Variants in LIMS1 observed in about 807,000 individuals in gnomAD.
LIMS1 encodes the protein LIM zinc finger domain containing 1.
A neutral mutation model predicts 44.1 loss-of-function variants in LIMS1; 18 were observed. That is an observed-to-expected ratio of 0.41 (90% CI 0.28 to 0.61). LIMS1 has a LOEUF of 0.61. Among genes scored for constraint, LIMS1 ranks in the 20% least tolerant of loss-of-function variants. LIMS1 has a pLI of 0.32. For synonymous variants in LIMS1, 93 were observed against 149.1 expected, an observed-to-expected ratio of 0.62 and a Z score of 2.74; for missense variants, 201 against 422.0, an observed-to-expected ratio of 0.48 and a Z score of 4.59.
intron 1 of LIMS1, among the ~76,000 whole-genome samples, chr2:108,598,604 G>A (rs1403374553): frequency 3.9e-5 from 6 of 152,210 alleles, no homozygotes; most frequent in African/African-American, 9.7e-5. Flanking sequence ...TTGGGAGAAC[G>A]GACGGAGTGT....
intron 1 of LIMS1, among the ~76,000 whole-genome samples, chr2:108,643,588 G>T (rs1169523636): frequency 2.0e-5 from 3 of 150,094 alleles, no homozygotes; most frequent in Non-Finnish European, 4.4e-5. Flanking sequence ...GAGCTAGCCA[G>T]TTTTTTTTTT....
chr2:108,649,998 A>G (rs1476480199), intron 1 of LIMS1, among the ~76,000 whole-genome samples: 1 of 152,220 alleles, frequency 6.6e-6, no homozygotes, highest in Non-Finnish European at 1.5e-5. Context: ...AGTAAAAAAA[A>G]GAAAAACGCC....
chr2:108,628,765 T>A (rs1688728845), intron 1 of LIMS1, among the ~76,000 whole-genome samples: 1 of 152,208 alleles, frequency 6.6e-6, no homozygotes, highest in Non-Finnish European at 1.5e-5. Context: ...GCACCCAGCC[T>A]CAGTGCATTA....
At chr2:108,641,436 T>G (rs1689660216) in intron 1 of LIMS1, among the ~76,000 whole-genome samples, 1 of 152,204 alleles carries the variant, frequency 6.6e-6, no homozygotes, top group African/African-American at 2.4e-5. Flanking sequence ...TGGACTTTGA[T>G]TCCAGTGTTT....
chr2:108,553,423 T>C (rs1219384687), intron 1 of LIMS1, among the ~76,000 whole-genome samples: 1 of 152,086 alleles, frequency 6.6e-6, no homozygotes, highest in African/African-American at 2.4e-5. Context: ...TAAGTGCGGG[T>C]CATAATAGAA....
chr2:108,623,272 C>T (rs1324803479), intron 1 of LIMS1, among the ~76,000 whole-genome samples: 3 of 151,400 alleles, frequency 2.0e-5, no homozygotes, highest in Non-Finnish European at 4.4e-5. Flanking sequence ...TATACTAAGC[C>T]TATTTTCAGG....
chr2:108,556,167 A>G (rs931932924), intron 1 of LIMS1, among the ~76,000 whole-genome samples: 2 of 152,152 alleles, frequency 1.3e-5, no homozygotes, highest in African/African-American at 4.8e-5. Flanking sequence ...TGCCTACTCT[A>G]GGTACGTCAT....
chr2:108,635,429 T>A (rs1244393637), intron 1 of LIMS1, among the ~76,000 whole-genome samples: 101 of 86,626 alleles, frequency 1.2e-3, no homozygotes, highest in East Asian at 1.8e-3. Flanking sequence ...ACTTCATCTC[T>A]AAAAAAAAAA....
chr2:108,641,880 A>G (rs1335093050), intron 1 of LIMS1, among the ~76,000 whole-genome samples: 1 of 152,248 alleles, frequency 6.6e-6, no homozygotes, highest in Non-Finnish European at 1.5e-5. Context: ...AGAAGCTACA[A>G]AATGGGAAGG....
intron 1 of LIMS1, among the ~76,000 whole-genome samples, chr2:108,636,857 G>GT (rs1480426070): frequency 6.6e-6 from 1 of 152,120 alleles, no homozygotes; most frequent in Non-Finnish European, 1.5e-5. Flanking sequence ...AACAAGAGGA[G>GT]TGACTGAGGC....
chr2:108,550,967 A>AT (rs1427387807), intron 1 of LIMS1, among the ~76,000 whole-genome samples: 3 of 151,952 alleles, frequency 2.0e-5, no homozygotes, highest in African/African-American at 7.3e-5. Context: ...CAAAAAAAAA[A>AT]TTGTTTTCTA....
chr2:108,557,405 T>C (rs759406066), intron 1 of LIMS1, among the ~76,000 whole-genome samples: 2 of 151,904 alleles, frequency 1.3e-5, no homozygotes, highest in Non-Finnish European at 2.9e-5. Flanking sequence ...AGATTTTCAT[T>C]GGTTGAGAGG....
intron 1 of LIMS1, among the ~76,000 whole-genome samples, chr2:108,578,179 G>A (rs1160350725): frequency 2.0e-5 from 3 of 152,202 alleles, no homozygotes; most frequent in South Asian, 4.1e-4. Context: ...AAAGTGCTGG[G>A]ATTACAGGCA....
chr2:108,540,014 A>G (rs1684264996), intron 1 of LIMS1, among the ~76,000 whole-genome samples: 1 of 151,816 alleles, frequency 6.6e-6, no homozygotes, highest in Non-Finnish European at 1.5e-5. Context: ...ACATAAGATG[A>G]TAGTATTAAG....
chr2:108,630,062 C>T (rs992785775), intron 1 of LIMS1, among the ~76,000 whole-genome samples: 2 of 151,938 alleles, frequency 1.3e-5, no homozygotes, highest in Admixed American at 6.6e-5. Flanking sequence ...AGCGTGGTGG[C>T]GTGCACCTGT....
chr2:108,649,260 C>A (rs1018282891), intron 1 of LIMS1, among the ~76,000 whole-genome samples: 4 of 152,184 alleles, frequency 2.6e-5, no homozygotes, highest in Non-Finnish European at 5.9e-5. Context: ...AAATGCAAAT[C>A]AAAACCACAA....
chr2:108,675,880 A>G, exon 6 of LIMS1: 1 of 1,613,966 alleles, frequency 6.2e-7, no homozygotes, highest in Non-Finnish European at 8.5e-7. Flanking sequence ...ACGGACAGGA[A>G]GGAGCTGACT....
chr2:108,666,739 T>TA (rs1691784016), intron 2 of LIMS1, among the ~76,000 whole-genome samples: 1 of 145,932 alleles, frequency 6.9e-6, no homozygotes, highest in South Asian at 2.2e-4. Context: ...CAGTGAGCTA[T>TA]AATCATGCCA....
intron 1 of LIMS1, among the ~76,000 whole-genome samples, chr2:108,650,569 C>T (rs1690406244): frequency 6.6e-6 from 1 of 152,164 alleles, no homozygotes; most frequent in Non-Finnish European, 1.5e-5. Context: ...ACGTGCCCAC[C>T]ACCACGCCAG....
Sources: allele counts gnomAD v4.1 joint callset (sites outside exome capture counted in the v4.1 genomes callset), GRCh38; gene constraint gnomAD v4.1.1; transcripts MANE v1.5; gene names NCBI Gene and HGNC (gene_info 2026-07-23, HGNC 2026-07-21).